Variants in TMEM72 observed in about 807,000 individuals in gnomAD.
TMEM72 encodes the protein transmembrane protein 72, also known as kidney-specific secretory protein of 37 kDa.
Under a neutral mutation model 16.3 loss-of-function variants are expected in TMEM72, and 9 were observed. The ratio of observed to expected loss-of-function variants is 0.55; its 90% CI spans 0.33 to 0.96. The LOEUF (loss-of-function observed/expected upper bound fraction) is 0.96. Among genes scored for constraint, TMEM72 ranks in the 40% least tolerant of loss-of-function variants. The pLI is 0.03. For synonymous variants in TMEM72, 160 were observed against 146.5 expected (o/e 1.09, Z -0.66); for missense variants, 324 against 337.8 (o/e 0.96, Z 0.32).
At chr10:44,934,362 C>T (rs1840356843) in intron 4 of TMEM72, among the ~76,000 whole-genome samples, 2 of 152,162 alleles carry the variant, frequency 1.3e-5, no homozygotes, top group Admixed American at 1.3e-4. Flanking sequence ...AAACTGTGCC[C>T]CCTCCTCATG....
intron 1 of TMEM72, among the ~76,000 whole-genome samples, chr10:44,917,075 T>C (rs1312182864): frequency 2.0e-5 from 3 of 152,144 alleles, no homozygotes; most frequent in African/African-American, 4.8e-5. Context: ...TGGATTAGAA[T>C]GGCAAGACCT....
chr10:44,929,300 G>C (rs1284742504), intron 2 of TMEM72, among the ~76,000 whole-genome samples: 2 of 152,186 alleles, frequency 1.3e-5, no homozygotes, highest in Non-Finnish European at 2.9e-5. Context: ...ATCCTGAGGG[G>C]CTTCTAGCAG....
At chr10:44,922,867 A>G (rs552691691) in intron 1 of TMEM72, among the ~76,000 whole-genome samples, 7 of 152,160 alleles carry the variant, frequency 4.6e-5, no homozygotes, top group Non-Finnish European at 8.8e-5. Context: ...GTCACAATAT[A>G]ATGTTTACTC....
In TMEM72 at chr10:44,911,527, G is replaced by T; in HGVS notation, c.15G>T (p.Val5=). Residue 5 remains valine (V), a synonymous_variant, in exon 1 of 5, where the codon GTG becomes GTT. Transcript: ENST00000389583. MQLQ[V]FWTGLEYTCR... is the part of the protein sequence containing the mutation. ...CCCCTGGCACCATGCAGCTCCAGGT[G>T]TTCTGGACTGGGCTGGAATACACCT... 2.6e-6 allele frequency: 4 copies of T among 1,551,224 alleles called. No individual in the cohort carries two copies. The highest frequency in any genetic ancestry group is 3.5e-6 in the Non-Finnish European group (4 of 1,147,186).
chr10:44,922,424 G>A (rs1840116147), intron 1 of TMEM72, among the ~76,000 whole-genome samples: 1 of 152,200 alleles, frequency 6.6e-6, no homozygotes, highest in Non-Finnish European at 1.5e-5. Context: ...GAAACTCCAG[G>A]CCCTGTGTGA....
In TMEM72 at chr10:44,929,568, G is replaced by C. The variant is rs189455235; in HGVS notation, c.137+1581G>C. On this transcript the variant is annotated intron_variant, in intron 2 of 4. Transcript: ENST00000389583. ...GGCAGGCCTCTTGCTGTGTTTGGGG[G>C]CTCACACCTGCCATCTCCCAGATGC... Among the ~76,000 whole-genome samples, 532 of 152,292 alleles carry C rather than the reference G, an allele frequency of 3.5e-3. 1 individual carries two copies. The highest frequency in any genetic ancestry group is 0.012 in the African/African-American group (503 of 41,568).
chr10:44,917,691 A>G (rs564424919), intron 1 of TMEM72, among the ~76,000 whole-genome samples: 1 of 152,162 alleles, frequency 6.6e-6, no homozygotes, highest in Admixed American at 6.5e-5. Flanking sequence ...GAAGGGGCTC[A>G]GGAAACCCCC....
chr10:44,936,585 C>T lies in TMEM72; in HGVS notation c.*1451C>T, dbSNP rs1840404896. 6.6e-6 allele frequency: 1 copy of T among 152,236 alleles called. No homozygotes were observed. Among genetic ancestry groups the T allele is most frequent in the African/African-American group, 2.4e-5 (1 of 41,464 alleles). 9.4% of individuals were successfully genotyped at this position (152,236 alleles called of 1,614,324 possible). ...TGGCTAATCAAGACACTCCTGCAAG[C>T]CCTTGATGGTGAGAGCTGCAGAGCT... On this transcript the variant is annotated 3_prime_UTR_variant, in exon 5 of 5. Transcript: ENST00000389583.
intron 1 of TMEM72, among the ~76,000 whole-genome samples, chr10:44,917,007 G>T (rs1355949381): frequency 3.3e-5 from 5 of 152,104 alleles, no homozygotes; most frequent in African/African-American, 1.2e-4. Flanking sequence ...CAAGATGCAG[G>T]ATGCAGTCCA....
At chr10:44,914,966 G>A (rs577804256) in intron 1 of TMEM72, among the ~76,000 whole-genome samples, 133 of 152,298 alleles carry the variant, frequency 8.7e-4, no homozygotes, top group African/African-American at 3.2e-3. Context: ...AGCATGGGAA[G>A]AGCCCCCTTT....
intron 2 of TMEM72, among the ~76,000 whole-genome samples, chr10:44,930,775 C>A (rs1840283747): frequency 6.6e-6 from 1 of 152,102 alleles, no homozygotes; most frequent in Non-Finnish European, 1.5e-5. Flanking sequence ...GTCCTAAGTG[C>A]TTTACAAATA....
intron 4 of TMEM72, 35 bp downstream of exon 4, chr10:44,933,811 CA>C: frequency 1.3e-6 from 2 of 1,579,450 alleles, no homozygotes; most frequent in Non-Finnish European, 1.7e-6. Flanking sequence ...GCAGCCCCAG[CA>C]CAGGTGGACT....
chr10:44,934,616 C>T (rs761758375), intron 4 of TMEM72, 40 bp from the exon 5 acceptor site: 17 of 1,505,474 alleles, frequency 1.1e-5, no homozygotes, highest in Non-Finnish European at 1.4e-5. Flanking sequence ...GGATTTTTTC[C>T]GTGACTCCTC....
At position 44,933,502 on chromosome 10, in the gene TMEM72, C is replaced by CTA. The variant is rs1200707103; in HGVS notation, c.210-135_210-134insTA. On this transcript the variant is annotated intron_variant, in intron 3 of 4. Coordinates refer to ENST00000389583, the MANE Select transcript of TMEM72 (RefSeq NM_001123376.3). ...TCATTGTGGAACCCACACCAAGGAC[C>CTA]GCTAGGGCTTTCTGTTCAGCCAGGG... 4 of 1,226,238 alleles carry CTA rather than the reference C, an allele frequency of 3.3e-6. No individual in the cohort carries two copies. The African/African-American group carries it at 4.5e-5, about 14-fold the overall frequency. 76.0% of individuals were successfully genotyped at this position (1,226,238 alleles called of 1,614,324 possible). A position where few individuals can be genotyped will look rare whatever the true frequency, so the allele number is the denominator to read the frequency against.
intron 1 of TMEM72, 37 bp downstream of exon 1, chr10:44,911,619 C>T: frequency 6.5e-7 from 1 of 1,546,502 alleles, no homozygotes; most frequent in South Asian, 1.2e-5. Flanking sequence ...TCCTTGCACA[C>T]TGGCACCACA....
chr10:44,913,814 G>A (rs1839973955), intron 1 of TMEM72, among the ~76,000 whole-genome samples: 1 of 152,210 alleles, frequency 6.6e-6, no homozygotes, highest in Non-Finnish European at 1.5e-5. Flanking sequence ...GAAATCTTCT[G>A]TTGAGAAATC....
At chr10:44,928,068 G>A in intron 2 of TMEM72, 81 bp downstream of exon 2, 2 of 1,499,618 alleles carry the variant, frequency 1.3e-6, no homozygotes, top group Admixed American at 1.7e-5. Context: ...GAATAACTCA[G>A]AGCAGTCCCC....
chr10:44,927,834 C>G (rs10900131), intron 1 of TMEM72, 87 bp from the exon 2 acceptor site: 796,770 of 1,374,062 alleles, frequency 0.58, 233,302 homozygotes, highest in Middle Eastern at 0.65. Flanking sequence ...AGGAAGAAGA[C>G]TCACTCCACA....
At chr10:44,931,056 C>T (rs182208080) in intron 2 of TMEM72, among the ~76,000 whole-genome samples, 2 of 152,218 alleles carry the variant, frequency 1.3e-5, no homozygotes, top group East Asian at 1.9e-4. Flanking sequence ...AGACAGGGAA[C>T]GCCCTCTGGG....
Sources: gnomAD v4.1 joint callset for allele counts (sites outside exome capture counted in the v4.1 genomes callset) on GRCh38, gnomAD v4.1.1 for gene constraint, MANE v1.5 for transcripts, NCBI Gene and HGNC (gene_info 2026-07-23, HGNC 2026-07-21) for gene names.